DUOXA2: variants seen among roughly 807,000 people sequenced by gnomAD.
The protein encoded by DUOXA2 is dual oxidase maturation factor 2.
Under a neutral mutation model 27.6 loss-of-function variants are expected in DUOXA2, and 22 were observed. The ratio of observed to expected loss-of-function variants is 0.80; its 90% confidence interval spans 0.57 to 1.14. The LOEUF (loss-of-function observed/expected upper bound fraction) is 1.14. Among genes scored for constraint, DUOXA2 ranks in the 50% most tolerant of loss-of-function variants. The pLI is 0.00. For missense variants in DUOXA2, 481 were observed against 419.9 expected, an observed-to-expected ratio of 1.15 and a Z score of -1.27; for synonymous variants, 188 against 184.4, an observed-to-expected ratio of 1.02 and a Z score of -0.16.
chr15:45,118,168 C>A lies in DUOXA2; in HGVS notation c.*259C>A, dbSNP rs1894812210. ...CGGGGTCGCACGTCCTCATGAGCTT[C>A]GCTGGGCTGGAGACAGCCTAGTACA... is the stretch of plus-strand genomic sequence containing the variant. On this transcript the variant is annotated 3_prime_UTR_variant, in exon 6 of 6. Transcript: ENST00000323030. 1.4e-6 allele frequency: 2 copies of A among 1,436,164 alleles called. No homozygotes were observed. The highest frequency in any genetic ancestry group is 2.9e-5 in the African/African-American group (2 of 69,720). 89.0% of individuals were successfully genotyped at this position (1,436,164 alleles called of 1,614,324 possible).
In DUOXA2 at chr15:45,117,746, T is replaced by C; in HGVS notation, c.800T>C (p.Val267Ala). The C allele has an allele frequency of 6.2e-7, 1 of 1,613,070 alleles. No individual in the cohort carries two copies. Among genetic ancestry groups the C allele is most frequent in the South Asian group, 1.1e-5 (1 of 91,054 alleles). Reference sequence around the variant, plus strand: ...CTGTGCCTCTTCCTCGGAGGGGCCGTGGTGAGTCTCCAGTATGTTCGGCCC... The same window carrying C: ...CTGTGCCTCTTCCTCGGAGGGGCCGCGGTGAGTCTCCAGTATGTTCGGCCC... ...GVLCLFLGGAVVSLQYVRPSA... is the reference protein window; with the variant it reads ...GVLCLFLGGAAVSLQYVRPSA... The change falls in exon 6 of 6, where the codon GTG (valine) becomes GCG (alanine). Residue 267 changes from valine to alanine, a missense_variant. By Grantham distance (64) the Val-to-Ala change is moderately conservative (BLOSUM62 0). Transcript: ENST00000323030.
rs180697269 is a variant in DUOXA2, at chr15:45,118,115, C to T, written c.*206C>T. On this transcript the variant is annotated 3_prime_UTR_variant, in exon 6 of 6. Transcript: ENST00000323030. ...CTTTTGTTTTTTAAAAACTGTTTTT[C>T]CCATTAATTTTCATGGCTTCTCCGC... The T allele has an allele frequency of 6.9e-4, 1,014 of 1,466,818 alleles. 8 individuals are homozygous for T. In the East Asian group the frequency reaches 0.012, roughly 18 times the overall value. 90.9% of individuals were successfully genotyped at this position (1,466,818 alleles called of 1,614,324 possible). A position where few individuals can be genotyped will look rare whatever the true frequency, so the allele number is the denominator to read the frequency against.
Position 45,114,542 on chromosome 15 carries a change from C to T in DUOXA2, c.-64C>T. On this transcript the variant is annotated 5_prime_UTR_variant, in exon 1 of 6. Coordinates refer to ENST00000323030, the MANE Select transcript of DUOXA2 (RefSeq NM_207581.4). Reference sequence around the variant, plus strand: ...ACGCCAAGGACGCGCTCTCCCGCGTCCAGGCAGCCCCAGCTTGCTGGCTTG... The same window carrying T: ...ACGCCAAGGACGCGCTCTCCCGCGTTCAGGCAGCCCCAGCTTGCTGGCTTG... The T allele has an allele frequency of 6.2e-7, 1 of 1,605,794 alleles. No homozygotes were observed. Among genetic ancestry groups the T allele is most frequent in the Non-Finnish European group, 8.5e-7 (1 of 1,177,514 alleles).
intron 3 of DUOXA2, 30 bp from the exon 4 acceptor site, chr15:45,116,486 G>A (rs1894639345): frequency 6.2e-7 from 1 of 1,611,732 alleles, no homozygotes; most frequent in East Asian, 2.2e-5. Context: ...CCGACCGCGG[G>A]CAGCCCCATG....
rs755350386 is a variant in DUOXA2 at position 45,114,559 on chromosome 15, G to T, written c.-47G>T. 6.2e-7 allele frequency: 1 copy of T among 1,610,526 alleles called. No homozygotes were observed. The highest frequency in any genetic ancestry group is 8.5e-7 in the Non-Finnish European group (1 of 1,179,210). On this transcript the variant is annotated 5_prime_UTR_variant, in exon 1 of 6. Transcript: ENST00000323030. ...TCCCGCGTCCAGGCAGCCCCAGCTTGCTGGCTTGCCTGCCCGCCTGCGTGC... is the reference window on the plus strand; with the variant it reads ...TCCCGCGTCCAGGCAGCCCCAGCTTTCTGGCTTGCCTGCCCGCCTGCGTGC...
chr15:45,115,620 C>T (rs1020434651), intron 1 of DUOXA2, 179 bp from the exon 2 acceptor site: 13 of 773,106 alleles, frequency 1.7e-5, no homozygotes, highest in Middle Eastern at 2.2e-4. Flanking sequence ...GGTGAAAGTG[C>T]GTGGTCACAA....
In DUOXA2 at chr15:45,114,703, C is replaced by T. The variant is rs1894558224; in HGVS notation, c.98C>T (p.Ala33Val). 2.5e-6 allele frequency: 4 copies of T among 1,614,230 alleles called. No individual in the cohort carries two copies. Among genetic ancestry groups the T allele is most frequent in the Non-Finnish European group, 3.4e-6 (4 of 1,180,026 alleles). The change falls in exon 1 of 6, where the codon GCT becomes GTT. Residue 33 changes from alanine to valine, a missense_variant. By Grantham distance (64) the Ala-to-Val change is moderately conservative (BLOSUM62 0). Coordinates refer to ENST00000323030, the MANE Select transcript of DUOXA2 (RefSeq NM_207581.4). ...CTCATCGTTATTCTAGTGTTTTTGG[C>T]TCTAGCAGCAAGCTTCCTGCTCATC... ...PLLIVILVFL[A>V]LAASFLLILP...
rs1894826021 is a variant in DUOXA2 at position 45,118,328 on chromosome 15, G to T, written c.*419G>T. 1.7e-6 allele frequency: 2 copies of T among 1,210,070 alleles called. No individual in the cohort carries two copies. Among genetic ancestry groups the T allele is most frequent in the African/African-American group, 3.1e-5 (2 of 64,194 alleles). 75.0% of individuals were successfully genotyped at this position (1,210,070 alleles called of 1,614,324 possible). A position where few individuals can be genotyped will look rare whatever the true frequency, so the allele number is the denominator to read the frequency against. On this transcript the variant is annotated 3_prime_UTR_variant, in exon 6 of 6. Coordinates refer to ENST00000323030, the MANE Select transcript of DUOXA2 (RefSeq NM_207581.4). ...CCCCAGGGGGACGTTAGGTGGCAGT[G>T]ATGAGGCAGGTCACCCACTCCCCCG...
chr15:45,117,490 G>T, intron 5 of DUOXA2, 185 bp downstream of exon 5: 1 of 1,551,922 alleles, frequency 6.4e-7, no homozygotes, highest in South Asian at 1.2e-5. Context: ...AGAAGGGTTT[G>T]GTGTCTTGCC....
intron 1 of DUOXA2, chr15:45,115,509 C>T (rs938099336): frequency 1.7e-6 from 1 of 605,208 alleles, no homozygotes; most frequent in Non-Finnish European, 3.1e-6. Context: ...GAACCAGGAC[C>T]AGGCGCCAGA....
chr15:45,118,327 T>TTA lies in DUOXA2; in HGVS notation c.*418_*419insTA, dbSNP rs1894825825. 5.0e-6 allele frequency: 6 copies of TTA among 1,210,600 alleles called. No individual in the cohort carries two copies. Among genetic ancestry groups the TTA allele is most frequent in the Non-Finnish European group, 3.1e-6 (3 of 971,784 alleles). 75.0% of individuals were successfully genotyped at this position (1,210,600 alleles called of 1,614,324 possible). On this transcript the variant is annotated 3_prime_UTR_variant, in exon 6 of 6. Coordinates refer to ENST00000323030, the MANE Select transcript of DUOXA2 (RefSeq NM_207581.4). ...ACCCCAGGGGGACGTTAGGTGGCAG[T>TTA]GATGAGGCAGGTCACCCACTCCCCC...
Position 45,118,058 on chromosome 15 carries a change from T to A in DUOXA2, c.*149T>A. 1 of 1,559,582 alleles carries A rather than the reference T, an allele frequency of 6.4e-7. No homozygotes were observed. Among genetic ancestry groups the A allele is most frequent in the African/African-American group, 1.4e-5 (1 of 72,504 alleles). On this transcript the variant is annotated 3_prime_UTR_variant, in exon 6 of 6. Coordinates refer to ENST00000323030, the MANE Select transcript of DUOXA2 (RefSeq NM_207581.4). ...ACATCCGCAGGCACCAGGGAAAGTC[T>A]CCTGGGGCGATCTGTAAATAAACCT...
chr15:45,116,298 G>A, intron 3 of DUOXA2, 40 bp downstream of exon 3: 1 of 1,611,142 alleles, frequency 6.2e-7, no homozygotes, highest in Non-Finnish European at 8.5e-7. Context: ...GGAGCTGGGA[G>A]ATCCCCGGTT....
intron 2 of DUOXA2, 128 bp from the exon 3 acceptor site, chr15:45,115,996 G>A: frequency 6.3e-7 from 1 of 1,589,070 alleles, no homozygotes; most frequent in Non-Finnish European, 8.6e-7. Context: ...CCCACTTTTT[G>A]GCCCTTACCA....
intron 3 of DUOXA2, 112 bp downstream of exon 3, chr15:45,116,370 G>C: frequency 6.4e-7 from 1 of 1,572,508 alleles, no homozygotes. Flanking sequence ...AATAGCTTGT[G>C]GTCCTCGTGG....
Position 45,117,881 on chromosome 15 carries a change from A to T in DUOXA2, c.935A>T (p.Asp312Val). ...DPLHKQAALP[D>V]LKCITTNL ...CTGCACAAGCAGGCCGCTCTCCCAGACTTAAAATGTATCACCACTAACCTG... is the reference window on the plus strand; with the variant it reads ...CTGCACAAGCAGGCCGCTCTCCCAGTCTTAAAATGTATCACCACTAACCTG... The change falls in exon 6 of 6, where the codon GAC becomes GTC. Residue 312 changes from aspartate (D) to valine (V), a missense_variant. By Grantham distance (152) the Asp-to-Val change is radical. Transcript: ENST00000323030. The T allele has an allele frequency of 6.2e-7, 1 of 1,613,466 alleles. No homozygotes were observed. Among genetic ancestry groups the T allele is most frequent in the South Asian group, 1.1e-5 (1 of 91,076 alleles).
chr15:45,117,145 G>C lies in DUOXA2; in HGVS notation c.609G>C (p.Pro203=). The C allele has an allele frequency of 6.2e-7, 1 of 1,602,514 alleles. No individual in the cohort carries two copies. Residue 203 remains proline, a synonymous_variant, in exon 5 of 6, where the codon CCG becomes CCC. Transcript: ENST00000323030. The part of the protein sequence containing the change: ...LSNVLLSTPA[P]LYGGLALLTT... ...ACGTGCTGCTCTCCACGCCGGCCCC[G>C]CTCTACGGAGGCCTGGCACTGCTGA...
rs1047617418 is a variant in DUOXA2 at position 45,117,557 on chromosome 15, C to T, written c.770-159C>T. ...GGCGGGAGGTAACACAAGGGGTAGG[C>T]TCCAAAAGATGGAAGAAGGCCCGGG... is the stretch of plus-strand genomic sequence containing the variant. On this transcript the variant is annotated intron_variant, in intron 5 of 5. Transcript: ENST00000323030. 1.9e-6 allele frequency: 3 copies of T among 1,584,554 alleles called. No homozygotes were observed. In the African/African-American group the frequency reaches 4.1e-5, roughly 21 times the overall value.
rs768538497 is a variant in DUOXA2 at position 45,116,603 on chromosome 15, C to A, written c.428C>A (p.Ala143Glu). 1.2e-6 allele frequency: 2 copies of A among 1,613,926 alleles called. No homozygotes were observed. Among genetic ancestry groups the A allele is most frequent in the Admixed American group, 1.7e-5 (1 of 60,006 alleles). ...RLKENYAAEYANALEKGLPDP... is the reference protein window; with the variant it reads ...RLKENYAAEYENALEKGLPDP... The stretch of plus-strand genomic sequence containing the variant: ...AAAGAGAATTACGCCGCGGAGTACG[C>A]GAACGCACTGGAGAAGGGGCTGCCG... Residue 143 changes from alanine to glutamate, a missense_variant, in exon 4 of 6, where the codon GCG (alanine) becomes GAG (glutamate). Transcript: ENST00000323030.
Sources: allele counts gnomAD v4.1 joint callset, GRCh38; gene constraint gnomAD v4.1.1; transcripts MANE v1.5; gene names NCBI Gene and HGNC (gene_info 2026-07-23, HGNC 2026-07-21).